CDH18: variants seen among roughly 807,000 people sequenced by gnomAD.
CDH18 encodes the protein cadherin-18.
CDH18 carries 31 observed loss-of-function variants against 67.9 expected under a neutral mutation model. The ratio of observed to expected loss-of-function variants is 0.46; its 90% CI spans 0.34 to 0.62. The LOEUF is 0.62. CDH18 is among the 20% of genes least tolerant of loss of function. The probability of loss-of-function intolerance (pLI) is 0.01; values close to 1 mark genes in which losing one functional copy is unlikely to be tolerated. For synonymous variants in CDH18, 362 were observed against 347.2 expected (o/e 1.04, Z -0.48); for missense variants, 890 against 975.5 (o/e 0.91, Z 1.17).
chr5:19,973,317 G>C (rs1798200486), intron 2 of CDH18, among the ~76,000 whole-genome samples: 1 of 152,108 alleles, frequency 6.6e-6, no homozygotes, highest in African/African-American at 2.4e-5. Context: ...AAGTGCAAAA[G>C]GTAGGCTTCA....
chr5:20,463,583 CT>C (rs1347365332), intron 1 of CDH18, among the ~76,000 whole-genome samples: 2 of 152,052 alleles, frequency 1.3e-5, no homozygotes, highest in African/African-American at 2.4e-5. Flanking sequence ...CTCGTGAGAA[CT>C]CACTCAGTTT....
chr5:20,044,251 T>A (rs1428806804), intron 2 of CDH18, among the ~76,000 whole-genome samples: 1 of 152,036 alleles, frequency 6.6e-6, no homozygotes, highest in Admixed American at 6.6e-5. Flanking sequence ...GATGCACAGA[T>A]AATGAAGACA....
At chr5:19,860,381 C>T (rs1784762966) in intron 2 of CDH18, among the ~76,000 whole-genome samples, 1 of 150,946 alleles carries the variant, frequency 6.6e-6, no homozygotes, top group Non-Finnish European at 1.5e-5. Context: ...AAACTCATCA[C>T]TTCTAAATAA....
At chr5:19,571,889 TCATTAC>T in intron 7 of CDH18, 57 bp from the exon 8 acceptor site, 2 of 1,355,738 alleles carry the variant, frequency 1.5e-6, no homozygotes, top group Non-Finnish European at 2.0e-6. Flanking sequence ...ATTATGACTT[TCATTAC>T]TTTTCAAATA....
chr5:20,227,471 AC>A (rs2126482667), intron 2 of CDH18, among the ~76,000 whole-genome samples: 1 of 152,146 alleles, frequency 6.6e-6, no homozygotes, highest in East Asian at 1.9e-4. Context: ...CCCAACTCAT[AC>A]AAATTCAACA....
chr5:19,487,388 T>G (rs1014024299), intron 11 of CDH18, among the ~76,000 whole-genome samples: 11 of 152,166 alleles, frequency 7.2e-5, no homozygotes, highest in African/African-American at 2.7e-4. Flanking sequence ...TGGGCATAGT[T>G]TTGGGTTCAC....
At chr5:19,927,313 G>C (rs2150187084) in intron 2 of CDH18, among the ~76,000 whole-genome samples, 1 of 152,080 alleles carries the variant, frequency 6.6e-6, no homozygotes, top group South Asian at 2.1e-4. Context: ...TACATGTTTG[G>C]GTGAGAATAT....
At chr5:20,245,918 C>T (rs2126571728) in intron 2 of CDH18, among the ~76,000 whole-genome samples, 1 of 151,992 alleles carries the variant, frequency 6.6e-6, no homozygotes, top group East Asian at 1.9e-4. Context: ...CTTTGTAAGC[C>T]CTTAAGCAGA....
chr5:20,127,560 T>G (rs2126456008), intron 2 of CDH18, among the ~76,000 whole-genome samples: 1 of 152,204 alleles, frequency 6.6e-6, no homozygotes, highest in East Asian at 1.9e-4. Flanking sequence ...GGAAGAAACT[T>G]GAAGACATTA....
Position 19,801,844 on chromosome 5 carries a change from C to A in CDH18, c.228+36915G>T, listed in dbSNP as rs1777506465. On this transcript the variant is annotated intron_variant, in intron 3 of 12. Coordinates refer to ENST00000382275, the MANE Select transcript of CDH18 (RefSeq NM_004934.5). ...CAGCTGCATTACTTATTGACAGTTC[C>A]CCCCCAACACCATACAAATATTTAC... Among the ~76,000 whole-genome samples, 4 of 150,750 alleles carry A rather than the reference C, an allele frequency of 2.7e-5. No homozygotes were observed. The South Asian group carries it at 8.3e-4, about 31-fold the overall frequency.
At chr5:19,641,982 A>ATT (rs1372350858) in intron 5 of CDH18, among the ~76,000 whole-genome samples, 1 of 152,028 alleles carries the variant, frequency 6.6e-6, no homozygotes, top group Admixed American at 6.5e-5. Flanking sequence ...GGAAATAATA[A>ATT]ATCTAGTAAA....
intron 1 of CDH18, among the ~76,000 whole-genome samples, chr5:20,427,557 ACT>A (rs1748397093): frequency 6.6e-6 from 1 of 151,022 alleles, no homozygotes; most frequent in South Asian, 2.1e-4. Context: ...ACACATATTC[ACT>A]CTGTTTCTGC....
chr5:19,911,564 T>C (rs1791151081), intron 2 of CDH18, among the ~76,000 whole-genome samples: 1 of 151,884 alleles, frequency 6.6e-6, no homozygotes, highest in Non-Finnish European at 1.5e-5. Context: ...CCCATGATGA[T>C]AATAGTTCCC....
intron 6 of CDH18, among the ~76,000 whole-genome samples, chr5:19,600,671 A>T (rs1746984370): frequency 6.6e-6 from 1 of 152,008 alleles, no homozygotes; most frequent in African/African-American, 2.4e-5. Context: ...CTTTCATGAA[A>T]AAAATAGAAA....
At chr5:19,826,529 T>C (rs1371315707) in intron 3 of CDH18, among the ~76,000 whole-genome samples, 1 of 152,120 alleles carries the variant, frequency 6.6e-6, no homozygotes, top group Non-Finnish European at 1.5e-5. Context: ...CAGTGAACAT[T>C]TCAGCAGAAA....
At chr5:20,477,275 G>T (rs1298452939) in intron 1 of CDH18, among the ~76,000 whole-genome samples, 1 of 152,086 alleles carries the variant, frequency 6.6e-6, no homozygotes, top group Admixed American at 6.6e-5. Flanking sequence ...CATCCTGCAC[G>T]CTCAACTATC....
intron 2 of CDH18, among the ~76,000 whole-genome samples, chr5:20,111,422 CA>C (rs1747447096): frequency 6.6e-6 from 1 of 152,064 alleles, no homozygotes. Context: ...ACCATATTTG[CA>C]AGCCCCTTGT....
intron 1 of CDH18, among the ~76,000 whole-genome samples, chr5:20,570,007 G>A (rs192026543): frequency 9.9e-5 from 15 of 152,260 alleles, no homozygotes; most frequent in Admixed American, 8.5e-4. Context: ...TGCTTGTCAG[G>A]TGTTACGGAG....
intron 9 of CDH18, 63 bp downstream of exon 9, chr5:19,543,806 G>A: frequency 7.9e-7 from 1 of 1,263,688 alleles, no homozygotes; most frequent in South Asian, 1.8e-5. Context: ...TGCTCTTAAG[G>A]AAATTTCAGT....
Sources: gnomAD v4.1 joint callset for allele counts (sites outside exome capture counted in the v4.1 genomes callset) on GRCh38, gnomAD v4.1.1 for gene constraint, MANE v1.5 for transcripts, NCBI Gene and HGNC (gene_info 2026-07-23, HGNC 2026-07-21) for gene names.